SCAI: variants seen among roughly 807,000 people sequenced by gnomAD.
SCAI encodes suppressor of cancer cell invasion.
Under a neutral mutation model 92.2 loss-of-function variants are expected in SCAI, and 24 were observed. The ratio of observed to expected loss-of-function variants is 0.26; its 90% CI spans 0.19 to 0.37. The LOEUF (loss-of-function observed/expected upper bound fraction) is 0.37. SCAI is among the 10% of genes least tolerant of loss of function. SCAI has a pLI of 1.00. For missense variants in SCAI, 450 were observed against 736.2 expected, an observed-to-expected ratio of 0.61 and a Z score of 4.50; for synonymous variants, 261 against 258.6, an observed-to-expected ratio of 1.01 and a Z score of -0.09.
At chr9:125,051,125 C>T (rs952258485) in intron 3 of SCAI, among the ~76,000 whole-genome samples, 2 of 152,104 alleles carry the variant, frequency 1.3e-5, no homozygotes, top group East Asian at 1.9e-4. Context: ...CAGCTTCAAG[C>T]GATTCTCCTG....
chr9:124,998,199 T>C (rs762810750), intron 13 of SCAI, among the ~76,000 whole-genome samples: 4 of 152,158 alleles, frequency 2.6e-5, no homozygotes, highest in Non-Finnish European at 5.9e-5. Context: ...GCGCGGTGGC[T>C]CATGCCTGTA....
intron 17 of SCAI, 190 bp downstream of exon 17, chr9:124,971,180 T>C (rs1159738341): frequency 5.2e-6 from 2 of 386,156 alleles, no homozygotes; most frequent in African/African-American, 4.2e-5. Flanking sequence ...TTAATCTTTA[T>C]ACTTTACGTA....
intron 2 of SCAI, among the ~76,000 whole-genome samples, chr9:125,057,602 C>T (rs633533): frequency 0.24 from 36,524 of 152,024 alleles, 4,819 homozygotes; most frequent in Non-Finnish European, 0.3. Flanking sequence ...GCATGGTTGT[C>T]GGAATATAAG....
chr9:125,042,237 T>C (rs1407680220), intron 3 of SCAI, among the ~76,000 whole-genome samples: 2 of 152,160 alleles, frequency 1.3e-5, no homozygotes, highest in Non-Finnish European at 2.9e-5. Flanking sequence ...TAATCTCTCT[T>C]TATTGAAATC....
At chr9:125,035,215 G>A (rs957096685) in intron 3 of SCAI, among the ~76,000 whole-genome samples, 1 of 152,036 alleles carries the variant, frequency 6.6e-6, no homozygotes, top group Non-Finnish European at 1.5e-5. Context: ...AATTAGCCAG[G>A]TGTGGTGGCA....
At chr9:124,994,302 T>C (rs1832195878) in intron 14 of SCAI, among the ~76,000 whole-genome samples, 2 of 152,208 alleles carry the variant, frequency 1.3e-5, no homozygotes, top group East Asian at 3.8e-4. Flanking sequence ...CCCAAAATGT[T>C]GGGATTACAG....
chr9:125,099,837 T>C (rs1428772777), intron 2 of SCAI, among the ~76,000 whole-genome samples: 1 of 152,262 alleles, frequency 6.6e-6, no homozygotes. Flanking sequence ...GTCTTCAACG[T>C]TCATCCATGT....
intron 2 of SCAI, among the ~76,000 whole-genome samples, chr9:125,127,726 G>A (rs1047650020): frequency 2.6e-5 from 4 of 152,042 alleles, no homozygotes; most frequent in South Asian, 2.1e-4. Context: ...AGATTTTTCC[G>A]GCCGAACGAG....
rs981046558 is a variant in SCAI, at chr9:124,943,159, T to C, written c.*9648A>G. ...TGGCTTAAGCAATTTAGAACACAAC[T>C]GACAAGACTTTTACAATACCACAAA... On this transcript the variant is annotated 3_prime_UTR_variant, in exon 18 of 18. Transcript: ENST00000336505. 6.6e-6 allele frequency: 1 copy of C among 152,200 alleles called. No homozygotes were observed. The highest frequency in any genetic ancestry group is 6.5e-5 in the Admixed American group (1 of 15,276). The allele number at this position is 152,200 out of a possible 1,614,324, so 9.4% of individuals were successfully genotyped here.
chr9:125,015,762 A>G (rs1564379566), intron 9 of SCAI, among the ~76,000 whole-genome samples: 1 of 152,154 alleles, frequency 6.6e-6, no homozygotes, highest in Non-Finnish European at 1.5e-5. Flanking sequence ...TCACAATAGC[A>G]AAGACTTGGA....
chr9:125,005,292 G>A (rs1832480193), intron 9 of SCAI, among the ~76,000 whole-genome samples: 1 of 152,138 alleles, frequency 6.6e-6, no homozygotes. Context: ...ATAAGTTTAT[G>A]AAGATTACTA....
chr9:125,141,974 G>A (rs1169854827), intron 2 of SCAI, among the ~76,000 whole-genome samples: 2 of 152,122 alleles, frequency 1.3e-5, no homozygotes, highest in African/African-American at 4.8e-5. Context: ...CCACACTGGA[G>A]TGCAGTGGCA....
At chr9:124,953,551 G>A (rs994178165) in intron 17 of SCAI, among the ~76,000 whole-genome samples, 10 of 152,114 alleles carry the variant, frequency 6.6e-5, no homozygotes, top group Admixed American at 1.3e-4. Flanking sequence ...GCTTGAACCC[G>A]GGAGGCGGAG....
At chr9:125,081,434 G>C (rs1452492190) in intron 2 of SCAI, among the ~76,000 whole-genome samples, 3 of 152,212 alleles carry the variant, frequency 2.0e-5, no homozygotes, top group Non-Finnish European at 4.4e-5. Context: ...TTAGCAAAGA[G>C]ACTGGTGGCA....
intron 2 of SCAI, among the ~76,000 whole-genome samples, chr9:125,084,256 C>T (rs112310032): frequency 0.032 from 4,678 of 146,648 alleles, 225 homozygotes; most frequent in African/African-American, 0.11. Flanking sequence ...CTGCAAGCTC[C>T]GCCTCCCAGG....
intron 7 of SCAI, 102 bp from the exon 8 acceptor site, chr9:125,019,307 T>G: frequency 3.0e-6 from 2 of 661,594 alleles, no homozygotes; most frequent in Non-Finnish European, 5.2e-6. Flanking sequence ...CTTACAAAAT[T>G]TGATTATTAG....
intron 11 of SCAI, among the ~76,000 whole-genome samples, 164 bp downstream of exon 11, chr9:125,002,946 GAAAC>G (rs909817401): frequency 7.4e-4 from 108 of 145,104 alleles, no homozygotes; most frequent in African/African-American, 2.7e-3. Context: ...AAAAAAAAAA[GAAAC>G]AAAACAAAAC....
chr9:125,129,974 C>CT (rs1412313846), intron 2 of SCAI, among the ~76,000 whole-genome samples: 2 of 151,726 alleles, frequency 1.3e-5, no homozygotes, highest in African/African-American at 4.8e-5. Flanking sequence ...TCTCGGCTCA[C>CT]TGCAACCTCC....
intron 2 of SCAI, among the ~76,000 whole-genome samples, chr9:125,142,086 C>G (rs768518506): frequency 6.6e-6 from 1 of 152,102 alleles, no homozygotes; most frequent in South Asian, 2.1e-4. Flanking sequence ...CCACAACACC[C>G]GCTCAGCTAG....
Sources: gnomAD v4.1 joint callset for allele counts (sites outside exome capture counted in the v4.1 genomes callset) on GRCh38, gnomAD v4.1.1 for gene constraint, MANE v1.5 for transcripts, NCBI Gene and HGNC (gene_info 2026-07-23, HGNC 2026-07-21) for gene names.